The following MPHOSPH8 variants were observed in gnomAD, a reference collection of about 807,000 sequenced individuals.
MPHOSPH8 encodes M-phase phosphoprotein 8.
MPHOSPH8 carries 45 observed loss-of-function variants against 87.3 expected under a neutral mutation model. That is an observed-to-expected ratio of 0.52 (90% CI 0.41 to 0.66). The LOEUF is 0.66. Among genes scored for constraint, MPHOSPH8 ranks in the 30% least tolerant of loss-of-function variants. The pLI, the probability that MPHOSPH8 is intolerant of heterozygous loss-of-function variation, is 0.00. For synonymous variants in MPHOSPH8, 366 were observed against 376.9 expected (o/e 0.97, Z 0.33); for missense variants, 883 against 1,020.2 (o/e 0.87, Z 1.83).
chr13:19,662,992 CTT>C (rs1593487710), intron 8 of MPHOSPH8, 46 bp from the exon 9 acceptor site: 6 of 1,467,694 alleles, frequency 4.1e-6, no homozygotes, highest in Non-Finnish European at 5.7e-6. Context: ...TGAAAACTGT[CTT>C]TTAAATAATT....
chr13:19,634,528 GC>G (rs1444867471), intron 1 of MPHOSPH8, among the ~76,000 whole-genome samples: 2 of 152,126 alleles, frequency 1.3e-5, no homozygotes, highest in Non-Finnish European at 2.9e-5. Flanking sequence ...ATCACACCAT[GC>G]CTTGGTGTTT....
rs772345374 is a variant in MPHOSPH8, at chr13:19,646,954, A to G, written c.881A>G (p.Lys294Arg). Residue 294 changes from lysine (K) to arginine (R), a missense_variant, in exon 3 of 14, where the codon AAA becomes AGA. Coordinates refer to ENST00000361479, the MANE Select transcript of MPHOSPH8 (RefSeq NM_017520.4). Reference protein sequence around the residue: ...SDSREEKQNTKSARERAGQDM... With the variant: ...SDSREEKQNTRSARERAGQDM... ...AGCAGAGAAGAGAAACAAAACACTA[A>G]AAGTGCAAGAGAGAGAGCAGGGCAG... 1.0e-5 allele frequency: 16 copies of G among 1,592,856 alleles called. No individual in the cohort carries two copies. Among genetic ancestry groups the G allele is most frequent in the South Asian group, 5.8e-5 (5 of 86,634 alleles).
chr13:19,644,877 T>C (rs983770254), intron 2 of MPHOSPH8, among the ~76,000 whole-genome samples: 1 of 152,232 alleles, frequency 6.6e-6, no homozygotes, highest in Admixed American at 6.5e-5. Context: ...TGCCTGATGC[T>C]CCAAAGTTTT....
At chr13:19,656,409 TTTC>T (rs1374761085) in intron 5 of MPHOSPH8, among the ~76,000 whole-genome samples, 2 of 152,064 alleles carry the variant, frequency 1.3e-5, no homozygotes, top group Admixed American at 1.3e-4. Flanking sequence ...AAAAGCCAAT[TTTC>T]TTTTTTAAAC....
In MPHOSPH8 at chr13:19,642,565, A is replaced by G. The variant is rs113395415; in HGVS notation, c.369+295A>G. Among the ~76,000 whole-genome samples the G allele has an allele frequency of 8.0e-4, 122 of 152,246 alleles. 1 individual carries two copies. Among genetic ancestry groups the G allele is most frequent in the African/African-American group, 2.9e-3 (119 of 41,544 alleles). Reference sequence around the variant, plus strand: ...GGAGAAAAAAGAGACATGCCAAACTATCATTTGTTCGTCCGTGACATGAGC... The same window carrying G: ...GGAGAAAAAAGAGACATGCCAAACTGTCATTTGTTCGTCCGTGACATGAGC... On this transcript the variant is annotated intron_variant, in intron 2 of 13. Transcript: ENST00000361479.
intron 12 of MPHOSPH8, chr13:19,670,987 T>C (rs1217929528): frequency 2.6e-6 from 3 of 1,162,674 alleles, no homozygotes; most frequent in Admixed American, 5.6e-5. Flanking sequence ...ATCCGGCTAA[T>C]TTTTTGTATT....
chr13:19,658,474 G>C (rs547164284), intron 5 of MPHOSPH8, among the ~76,000 whole-genome samples: 1,762 of 152,278 alleles, frequency 0.012, 36 homozygotes, highest in African/African-American at 0.039. Flanking sequence ...ATACCTCACG[G>C]GGGTGGGTGT....
At chr13:19,641,597 A>G (rs1013631081) in intron 1 of MPHOSPH8, among the ~76,000 whole-genome samples, 28 of 145,396 alleles carry the variant, frequency 1.9e-4, no homozygotes, top group Admixed American at 3.6e-4. Context: ...GGTTCAAGCG[A>G]TTCTCCTGCC....
intron 1 of MPHOSPH8, among the ~76,000 whole-genome samples, chr13:19,638,465 T>C (rs956253718): frequency 1.3e-5 from 2 of 151,448 alleles, no homozygotes; most frequent in Non-Finnish European, 1.5e-5. Flanking sequence ...TACAAAAAAT[T>C]AGCCAGGCGT....
intron 1 of MPHOSPH8, among the ~76,000 whole-genome samples, chr13:19,640,260 T>C (rs562328615): frequency 4.8e-4 from 73 of 152,318 alleles, no homozygotes; most frequent in African/African-American, 1.7e-3. Flanking sequence ...TTCATGGGGA[T>C]GTTGTAAATA....
At chr13:19,643,155 AACAGTT>A (rs1874385224) in intron 2 of MPHOSPH8, among the ~76,000 whole-genome samples, 1 of 152,174 alleles carries the variant, frequency 6.6e-6, no homozygotes, top group Non-Finnish European at 1.5e-5. Context: ...CAGACCCCTA[AACAGTT>A]ACAGTTACGG....
rs1875394944 is a variant in MPHOSPH8, at chr13:19,659,588, T to C, written c.1791+299T>C. 1.0e-5 allele frequency: 4 copies of C among 384,590 alleles called. No individual in the cohort carries two copies. In the Admixed American group the frequency reaches 1.4e-4, roughly 14 times the overall value. The allele number at this position is 384,590 out of a possible 1,614,324, so 23.8% of individuals were successfully genotyped here. On this transcript the variant is annotated intron_variant, in intron 7 of 13. Transcript: ENST00000361479. ...CTGAGGTGACAGGATCACCTGAGCC[T>C]GGGAGGTCAAGGCTGTGGTAAGTGG...
chr13:19,670,107 T>C (rs576173482), intron 11 of MPHOSPH8, 129 bp from the exon 12 acceptor site: 31 of 1,094,488 alleles, frequency 2.8e-5, no homozygotes, highest in Middle Eastern at 2.1e-4. Context: ...CCTCTGAGCC[T>C]CCAGGCAGAG....
At position 19,672,860 on chromosome 13, in the gene MPHOSPH8, A is replaced by G. The variant is rs1876214437; in HGVS notation, c.*985A>G. On this transcript the variant is annotated 3_prime_UTR_variant, in exon 14 of 14. Coordinates refer to ENST00000361479, the MANE Select transcript of MPHOSPH8 (RefSeq NM_017520.4). ...CACACCTATAATCCCAGCGCTTTGG[A>G]GGCTGAGGTTGGAGGATTGCTTAAG... The G allele has an allele frequency of 8.8e-6, 3 of 339,922 alleles. No individual in the cohort carries two copies. The highest frequency in any genetic ancestry group is 7.3e-5 in the South Asian group (3 of 41,116). 21.1% of individuals were successfully genotyped at this position (339,922 alleles called of 1,614,324 possible).
chr13:19,637,100 A>G (rs76603267), intron 1 of MPHOSPH8, among the ~76,000 whole-genome samples: 2,541 of 152,304 alleles, frequency 0.017, 65 homozygotes, highest in African/African-American at 0.057. Flanking sequence ...ACCACGTTCA[A>G]TAACTATTTG....
chr13:19,642,004 G>A, intron 1 of MPHOSPH8, 111 bp from the exon 2 acceptor site: 1 of 971,628 alleles, frequency 1.0e-6, no homozygotes. Flanking sequence ...TTTCCACTTA[G>A]AAGCAATTTT....
Position 19,646,632 on chromosome 13 carries a change from G to A in MPHOSPH8, c.559G>A (p.Glu187Lys). ...AAAAGACAAGTCCAAACCAGACCTG[G>A]AGAGCTCCTTGGAAAGTTTAGTTTT... ...KLKDKSKPDL[E>K]SSLESLVFDL... The change falls in exon 3 of 14, where the codon GAG becomes AAG. Residue 187 changes from glutamate to lysine, a missense_variant. Glu to Lys is a moderately conservative substitution (Grantham distance 56). Transcript: ENST00000361479. The A allele has an allele frequency of 1.9e-6, 3 of 1,589,114 alleles. No homozygotes were observed. The highest frequency in any genetic ancestry group is 2.6e-6 in the Non-Finnish European group (3 of 1,174,394).
intron 12 of MPHOSPH8, 95 bp downstream of exon 12, chr13:19,670,458 A>C (rs1876063416): frequency 7.2e-7 from 1 of 1,381,874 alleles, no homozygotes; most frequent in African/African-American, 1.5e-5. Flanking sequence ...AATAAAATAT[A>C]AGCATTCAGA....
At chr13:19,656,295 A>C (rs939087300) in intron 5 of MPHOSPH8, among the ~76,000 whole-genome samples, 2 of 151,226 alleles carry the variant, frequency 1.3e-5, no homozygotes, top group African/African-American at 4.8e-5. Flanking sequence ...AAAAAAAAAA[A>C]AAAAACTGTC....
Sources: allele counts gnomAD v4.1 joint callset (sites outside exome capture counted in the v4.1 genomes callset), GRCh38; gene constraint gnomAD v4.1.1; transcripts MANE v1.5; gene names NCBI Gene and HGNC (gene_info 2026-07-23, HGNC 2026-07-21).